FHOD3: variants seen among roughly 807,000 people sequenced by gnomAD.
FHOD3 encodes the protein formin homology 2 domain containing 3.
A neutral mutation model predicts 173.0 loss-of-function variants in FHOD3; 90 were observed. The ratio of observed to expected loss-of-function variants is 0.52; its 90% CI spans 0.44 to 0.62. The LOEUF is 0.62. FHOD3 is among the 20% of genes least tolerant of loss of function. FHOD3 has a pLI of 0.00. For missense variants in FHOD3, 1,945 were observed against 2,034.7 expected, an observed-to-expected ratio of 0.96 and a Z score of 0.85; for synonymous variants, 828 against 823.0, an observed-to-expected ratio of 1.01 and a Z score of -0.10.
chr18:36,484,295 T>C (rs778971982), intron 3 of FHOD3, among the ~76,000 whole-genome samples: 12 of 152,136 alleles, frequency 7.9e-5, no homozygotes, highest in Non-Finnish European at 1.8e-4. Flanking sequence ...TCTCAGAAAA[T>C]GTGTAGCCTG....
rs753526587 is a variant in FHOD3 at position 36,611,978 on chromosome 18, C to G, written c.840C>G (p.Asp280Glu). The G allele has an allele frequency of 6.2e-6, 10 of 1,613,978 alleles. No homozygotes were observed. The highest frequency in any genetic ancestry group is 1.7e-5 in the Admixed American group (1 of 59,992). The change falls in exon 9 of 29, where the codon GAC becomes GAG. Residue 280 changes from aspartate to glutamate, a missense_variant. Transcript: ENST00000590592. ...CGTTATCAGGACTACCAGACCAAGA[C>G]ACCTTCTACGACGTCGTGGACTGCC... ...NKTLSGLPDQ[D>E]TFYDVVDCLE...
intron 3 of FHOD3, among the ~76,000 whole-genome samples, chr18:36,489,975 C>A (rs2054384364): frequency 6.6e-6 from 1 of 152,164 alleles, no homozygotes; most frequent in Non-Finnish European, 1.5e-5. Flanking sequence ...CTGTTTTTCA[C>A]ACTGCTGGCT....
At chr18:36,302,402 G>A (rs147778114) in intron 1 of FHOD3, among the ~76,000 whole-genome samples, 42 of 151,952 alleles carry the variant, frequency 2.8e-4, no homozygotes, top group African/African-American at 6.5e-4. Context: ...CCTCCCCCCC[G>A]ACCTGCTGAA....
At chr18:36,372,059 G>A (rs1453585209) in intron 2 of FHOD3, among the ~76,000 whole-genome samples, 1 of 152,174 alleles carries the variant, frequency 6.6e-6, no homozygotes, top group Non-Finnish European at 1.5e-5. Flanking sequence ...AACCTGGGGA[G>A]GTCTGCCCTT....
intron 1 of FHOD3, among the ~76,000 whole-genome samples, chr18:36,327,421 C>T (rs749296685): frequency 7.2e-5 from 11 of 152,310 alleles, no homozygotes; most frequent in Non-Finnish European, 1.5e-4. Context: ...AGGCAAAAAC[C>T]GCAATTACTT....
chr18:36,337,221 A>T (rs973153461), intron 1 of FHOD3, among the ~76,000 whole-genome samples: 2 of 151,962 alleles, frequency 1.3e-5, no homozygotes, highest in African/African-American at 4.8e-5. Flanking sequence ...CAGATTCTCC[A>T]GACTCACAAA....
chr18:36,762,974 TTATATAC>T (rs2042952717), intron 27 of FHOD3, among the ~76,000 whole-genome samples: 2 of 148,334 alleles, frequency 1.3e-5, no homozygotes, highest in African/African-American at 4.9e-5. Flanking sequence ...TATATGCGTA[TTATATAC>T]GTTATATATG....
intron 3 of FHOD3, among the ~76,000 whole-genome samples, chr18:36,380,680 G>A (rs1337192801): frequency 7.0e-6 from 1 of 141,918 alleles, no homozygotes; most frequent in Admixed American, 7.5e-5. Context: ...TCAATGGTCA[G>A]TTTAATAACA....
At chr18:36,678,625 G>C (rs1480686717) in intron 14 of FHOD3, among the ~76,000 whole-genome samples, 1 of 148,836 alleles carries the variant, frequency 6.7e-6, no homozygotes, top group Non-Finnish European at 1.5e-5. Flanking sequence ...CCCACTGTCA[G>C]ATTAAGAAAG....
At chr18:36,482,045 A>AT (rs1568330786) in intron 3 of FHOD3, among the ~76,000 whole-genome samples, 1 of 152,308 alleles carries the variant, frequency 6.6e-6, no homozygotes, top group East Asian at 1.9e-4. Context: ...CTCTCAAATT[A>AT]TAAAAAAAAG....
At chr18:36,550,983 TC>T (rs1167962280) in intron 5 of FHOD3, among the ~76,000 whole-genome samples, 1 of 152,202 alleles carries the variant, frequency 6.6e-6, no homozygotes, top group Non-Finnish European at 1.5e-5. Flanking sequence ...GACATCCTTG[TC>T]TTACTCCCCA....
chr18:36,769,090 C>T (rs1206044141), intron 27 of FHOD3, among the ~76,000 whole-genome samples, 175 bp from the exon 28 acceptor site: 1 of 152,158 alleles, frequency 6.6e-6, no homozygotes, highest in African/African-American at 2.4e-5. Context: ...GGTGGTGCTC[C>T]CTGCAGTGGG....
At chr18:36,624,751 T>C (rs1224777258) in intron 9 of FHOD3, among the ~76,000 whole-genome samples, 1 of 151,806 alleles carries the variant, frequency 6.6e-6, no homozygotes, top group African/African-American at 2.4e-5. Flanking sequence ...TAAGCCGGAG[T>C]GGCAAAGTGC....
chr18:36,644,255 GCACAATATAAA>G (rs2035531195), intron 10 of FHOD3, among the ~76,000 whole-genome samples: 1 of 152,180 alleles, frequency 6.6e-6, no homozygotes, highest in African/African-American at 2.4e-5. Flanking sequence ...GAATTCCTTA[GCACAATATAAA>G]CACAATTAAG....
intron 3 of FHOD3, among the ~76,000 whole-genome samples, chr18:36,404,494 T>C (rs1039020755): frequency 6.6e-6 from 1 of 152,226 alleles, no homozygotes; most frequent in African/African-American, 2.4e-5. Context: ...TAGAATAGTA[T>C]GCATGCATAT....
At chr18:36,460,404 A>G (rs529782902) in intron 3 of FHOD3, among the ~76,000 whole-genome samples, 1 of 152,322 alleles carries the variant, frequency 6.6e-6, no homozygotes, top group South Asian at 2.1e-4. Flanking sequence ...TCAGATTGTA[A>G]TCTAATGCTA....
intron 10 of FHOD3, among the ~76,000 whole-genome samples, chr18:36,633,457 C>T (rs904157864): frequency 1.3e-5 from 2 of 152,188 alleles, no homozygotes; most frequent in African/African-American, 4.8e-5. Flanking sequence ...ATTCTAACAC[C>T]AGCATTTATG....
intron 27 of FHOD3, among the ~76,000 whole-genome samples, chr18:36,768,690 C>A (rs1338279488): frequency 6.6e-6 from 1 of 152,200 alleles, no homozygotes; most frequent in African/African-American, 2.4e-5. Flanking sequence ...TTAAAGAGGG[C>A]AATCCTGTTA....
At chr18:36,341,052 A>C (rs1747729157) in intron 1 of FHOD3, among the ~76,000 whole-genome samples, 1 of 152,120 alleles carries the variant, frequency 6.6e-6, no homozygotes, top group African/African-American at 2.4e-5. Context: ...ACAATGTCTC[A>C]TGAGCCAGGT....
Sources: allele counts gnomAD v4.1 joint callset (sites outside exome capture counted in the v4.1 genomes callset), GRCh38; gene constraint gnomAD v4.1.1; transcripts MANE v1.5; gene names NCBI Gene and HGNC (gene_info 2026-07-23, HGNC 2026-07-21).